NELL1: variants seen among roughly 807,000 people sequenced by gnomAD.
The protein encoded by NELL1 is protein kinase C-binding protein NELL1.
Under a neutral mutation model 107.4 loss-of-function variants are expected in NELL1, and 76 were observed. The ratio of observed to expected loss-of-function variants is 0.71; its 90% CI spans 0.59 to 0.86. The LOEUF (loss-of-function observed/expected upper bound fraction) is 0.86, where lower values mean the gene tolerates loss of function less well. Ranked by LOEUF, NELL1 falls within the 40% of genes least tolerant of loss-of-function variation. NELL1 has a pLI of 0.00. For synonymous variants in NELL1, 353 were observed against 341.2 expected (o/e 1.03, Z -0.38); for missense variants, 1,024 against 1,005.5 (o/e 1.02, Z -0.25).
intron 15 of NELL1, among the ~76,000 whole-genome samples, chr11:21,508,047 G>C (rs1479284521): frequency 1.3e-5 from 2 of 152,042 alleles, no homozygotes; most frequent in East Asian, 3.9e-4. Flanking sequence ...GCCTCCCAAA[G>C]TGCTGGGATT....
In NELL1 at chr11:21,407,138, G is replaced by A. The variant is rs138900136; in HGVS notation, c.1645+36190G>A. ...GTCTTGAAATACTATCTTTCTGGCA[G>A]GTCATGGTGGCTCATACCTGTAATC... On this transcript the variant is annotated intron_variant, in intron 15 of 19. Transcript: ENST00000357134. Among the ~76,000 whole-genome samples the A allele has an allele frequency of 1.7e-3, 258 of 152,094 alleles. 2 individuals are homozygous for A. The highest frequency in any genetic ancestry group is 7.4e-3 in the East Asian group (38 of 5,114).
intron 9 of NELL1, among the ~76,000 whole-genome samples, chr11:20,936,498 G>C (rs1359335462): frequency 6.6e-6 from 1 of 152,214 alleles, no homozygotes; most frequent in Non-Finnish European, 1.5e-5. Context: ...TATTGGAAGG[G>C]AGGAATGAAA....
chr11:20,920,690 G>T (rs1190311080), intron 7 of NELL1, among the ~76,000 whole-genome samples: 1 of 152,064 alleles, frequency 6.6e-6, no homozygotes, highest in Non-Finnish European at 1.5e-5. Context: ...TCTGTCTCAG[G>T]TGATTGTGGT....
intron 13 of NELL1, among the ~76,000 whole-genome samples, chr11:21,207,736 TTGTC>T (rs1857419442): frequency 6.6e-6 from 1 of 152,286 alleles, no homozygotes; most frequent in Admixed American, 6.5e-5. Context: ...CATGGTATCA[TTGTC>T]TGTATTTTAC....
intron 14 of NELL1, among the ~76,000 whole-genome samples, chr11:21,233,913 CAGTGAGTGTGA>C (rs1858130729): frequency 6.6e-6 from 1 of 152,124 alleles, no homozygotes; most frequent in Non-Finnish European, 1.5e-5. Flanking sequence ...ATAAAACATA[CAGTGAGTGTGA>C]ATTCTGTGTC....
At chr11:20,848,110 G>C (rs1848733896) in intron 4 of NELL1, among the ~76,000 whole-genome samples, 1 of 152,146 alleles carries the variant, frequency 6.6e-6, no homozygotes, top group Non-Finnish European at 1.5e-5. Flanking sequence ...CGTTCCACTG[G>C]GAAGCGAATA....
At chr11:21,437,124 G>A (rs1389611884) in intron 15 of NELL1, among the ~76,000 whole-genome samples, 3 of 152,012 alleles carry the variant, frequency 2.0e-5, no homozygotes, top group Non-Finnish European at 4.4e-5. Context: ...ATCTGTTAAG[G>A]CCTTTTGATC....
intron 16 of NELL1, among the ~76,000 whole-genome samples, chr11:21,540,375 C>T (rs958772513): frequency 6.6e-6 from 1 of 152,082 alleles, no homozygotes; most frequent in Non-Finnish European, 1.5e-5. Context: ...TGGTATTGAT[C>T]ATTTTCCCTA....
intron 5 of NELL1, 37 bp downstream of exon 5, chr11:20,885,577 T>G: frequency 1.7e-6 from 2 of 1,210,434 alleles, no homozygotes; most frequent in Non-Finnish European, 2.5e-6. Context: ...AGTATATATA[T>G]AGGCGATGCT....
intron 17 of NELL1, among the ~76,000 whole-genome samples, chr11:21,563,770 T>C (rs748935396): frequency 1.3e-5 from 2 of 151,924 alleles, no homozygotes; most frequent in African/African-American, 2.4e-5. Context: ...GACGACTGAA[T>C]GCTCTACTCT....
At chr11:21,368,366 T>TC (rs1439435541) in intron 14 of NELL1, among the ~76,000 whole-genome samples, 2 of 151,802 alleles carry the variant, frequency 1.3e-5, no homozygotes, top group Non-Finnish European at 2.9e-5. Flanking sequence ...TTTTTTTTTT[T>TC]TTTCTTTTAA....
chr11:21,206,416 T>A (rs1350235972), intron 13 of NELL1, among the ~76,000 whole-genome samples: 1 of 152,186 alleles, frequency 6.6e-6, no homozygotes, highest in African/African-American at 2.4e-5. Context: ...GGTGAGACTT[T>A]ATTCACAAAT....
chr11:20,971,960 G>A (rs1188604401), intron 12 of NELL1, among the ~76,000 whole-genome samples: 2 of 151,174 alleles, frequency 1.3e-5, no homozygotes, highest in African/African-American at 4.9e-5. Flanking sequence ...TCACTCATAA[G>A]TGGGAGTTGA....
intron 12 of NELL1, among the ~76,000 whole-genome samples, chr11:20,976,543 A>G (rs1182008434): frequency 6.6e-6 from 1 of 152,172 alleles, no homozygotes; most frequent in Non-Finnish European, 1.5e-5. Context: ...GAGAGGGAAA[A>G]TGTTTCCTTG....
chr11:21,219,749 G>A (rs1857706811), intron 13 of NELL1, among the ~76,000 whole-genome samples: 1 of 152,146 alleles, frequency 6.6e-6, no homozygotes, highest in South Asian at 2.1e-4. Flanking sequence ...TTTCTCCAAT[G>A]TAAGTTGCTG....
At chr11:20,974,645 C>G (rs1851568153) in intron 12 of NELL1, among the ~76,000 whole-genome samples, 1 of 152,110 alleles carries the variant, frequency 6.6e-6, no homozygotes, top group South Asian at 2.1e-4. Flanking sequence ...TTCACAACTT[C>G]TCATAAGCTA....
At chr11:20,735,276 A>G (rs1479484550) in intron 2 of NELL1, among the ~76,000 whole-genome samples, 1 of 152,156 alleles carries the variant, frequency 6.6e-6, no homozygotes, top group African/African-American at 2.4e-5. Flanking sequence ...TCATGCTACT[A>G]TAAAGAACTA....
In NELL1 at chr11:21,124,251, TC is replaced by T. The variant is rs1565072179; in HGVS notation, c.1426+10543del. Among the ~76,000 whole-genome samples the T allele has an allele frequency of 3.3e-5, 5 of 152,208 alleles. No homozygotes were observed. In the South Asian group the frequency reaches 1.0e-3, roughly 32 times the overall value. On this transcript the variant is annotated intron_variant, in intron 13 of 19. Coordinates refer to ENST00000357134, the MANE Select transcript of NELL1 (RefSeq NM_006157.5). ...AGACAAAGGTGACATTGAGTTTTTT[TC>T]CCCCCGAAGTCTCCTAAATGTTACC...
chr11:20,683,129 A>G (rs960686270), intron 2 of NELL1, among the ~76,000 whole-genome samples: 11 of 151,892 alleles, frequency 7.2e-5, no homozygotes, highest in Non-Finnish European at 1.6e-4. Flanking sequence ...CTTTTGGATT[A>G]ATTGAATATT....
Sources: allele counts gnomAD v4.1 joint callset (sites outside exome capture counted in the v4.1 genomes callset), GRCh38; gene constraint gnomAD v4.1.1; transcripts MANE v1.5; gene names NCBI Gene and HGNC (gene_info 2026-07-23, HGNC 2026-07-21).